Variants in SLC38A8 observed in about 807,000 individuals in gnomAD.
The protein encoded by SLC38A8 is amino acid transporter SLC38A8.
A neutral mutation model predicts 46.0 loss-of-function variants in SLC38A8; 65 were observed. That is an observed-to-expected ratio of 1.41 (90% CI 1.16 to 1.74). SLC38A8 has a LOEUF of 1.74. SLC38A8 is among the 40% of genes most tolerant of loss of function. The pLI is 0.00. For missense variants in SLC38A8, 998 were observed against 567.9 expected, an observed-to-expected ratio of 1.76 and a Z score of -7.70; for synonymous variants, 447 against 243.7, an observed-to-expected ratio of 1.83 and a Z score of -7.77.
Position 84,017,791 on chromosome 16 carries a change from C to T in SLC38A8, c.806-504G>A, listed in dbSNP as rs189276852. On this transcript the variant is annotated intron_variant, in intron 7 of 10. Coordinates refer to ENST00000299709, the MANE Select transcript of SLC38A8 (RefSeq NM_001080442.3). ...AACAGGGTGACACTGCTTCTGTCAC[C>T]CCGGGTTGCCTGCCCTGTCCTGAGA... is the stretch of plus-strand genomic sequence containing the variant. 2.9e-4 allele frequency among the ~76,000 whole-genome samples: 44 copies of T among 152,274 alleles called. No homozygotes were observed. The East Asian group carries it at 7.9e-3, about 27-fold the overall frequency.
intron 2 of SLC38A8, among the ~76,000 whole-genome samples, chr16:84,038,775 C>T (rs920482319): frequency 6.6e-6 from 1 of 152,184 alleles, no homozygotes; most frequent in Non-Finnish European, 1.5e-5. Flanking sequence ...TCCACCTTTA[C>T]GTAATTCCTG....
upstream of SLC38A8, among the ~76,000 whole-genome samples, chr16:84,043,116 C>G (rs980268240): frequency 2.6e-5 from 4 of 152,190 alleles, no homozygotes; most frequent in African/African-American, 9.7e-5. Context: ...TCCTTTACCT[C>G]CTCCACCCAA....
At chr16:84,023,811 T>G (rs1257825021) in intron 6 of SLC38A8, among the ~76,000 whole-genome samples, 1 of 152,170 alleles carries the variant, frequency 6.6e-6, no homozygotes, top group African/African-American at 2.4e-5. Context: ...GGTGAATCAC[T>G]GGAATTCGGG....
intron 6 of SLC38A8, among the ~76,000 whole-genome samples, chr16:84,025,888 G>T (rs562708189): frequency 6.6e-6 from 1 of 152,234 alleles, no homozygotes; most frequent in East Asian, 1.9e-4. Flanking sequence ...CTGTCCTACA[G>T]GAGGGCTCTG....
At position 84,033,459 on chromosome 16, in the gene SLC38A8, G is replaced by A. The variant is rs1199940276; in HGVS notation, c.399C>T (p.Ser133=). Residue 133 remains serine, a synonymous_variant, in exon 4 of 11, where the codon TCC becomes TCT. Coordinates refer to ENST00000299709, the MANE Select transcript of SLC38A8 (RefSeq NM_001080442.3). ...GGGCGGGCGGGGTGCCAGACAGGAG[G>A]GAGTCACACACTGCCAGAGACACGG... ...IGDQLEKLCD[S]LLSGTPPAPQ... 1 of 1,605,592 alleles carries A rather than the reference G, an allele frequency of 6.2e-7. No homozygotes were observed. Among genetic ancestry groups the A allele is most frequent in the Non-Finnish European group, 8.5e-7 (1 of 1,176,266 alleles).
At chr16:84,011,452 C>T (rs1288399044) in intron 10 of SLC38A8, among the ~76,000 whole-genome samples, 1 of 152,178 alleles carries the variant, frequency 6.6e-6, no homozygotes, top group Non-Finnish European at 1.5e-5. Flanking sequence ...CAGGCCTGCT[C>T]CTTTGCAAAA....
chr16:84,023,256 A>T (rs933032816), intron 6 of SLC38A8, among the ~76,000 whole-genome samples: 5 of 152,084 alleles, frequency 3.3e-5, no homozygotes, highest in African/African-American at 1.2e-4. Context: ...TGTTCAACTG[A>T]GGCTAGTTTA....
chr16:84,021,867 G>T (rs1418291145), intron 7 of SLC38A8, among the ~76,000 whole-genome samples: 1 of 152,234 alleles, frequency 6.6e-6, no homozygotes, highest in African/African-American at 2.4e-5. Context: ...TGCCGGAGGG[G>T]ACTTTGCAGA....
At position 84,036,854 on chromosome 16, in the gene SLC38A8, G is replaced by C; in HGVS notation, c.236C>G (p.Ala79Gly). Residue 79 changes from alanine (A) to glycine (G), a missense_variant, in exon 3 of 11, where the codon GCT becomes GGT. Ala to Gly is a moderately conservative substitution (Grantham distance 60). Transcript: ENST00000299709. ...GGTGGCCTGGCCACTGACAGCAGCAGCATAGCCCAGGATGACCAGCCCGCT... is the reference window on the plus strand; with the variant it reads ...GGTGGCCTGGCCACTGACAGCAGCACCATAGCCCAGGATGACCAGCCCGCT... ...LISGLVILGY[A>G]AAVSGQATYQ... 6.2e-7 allele frequency: 1 copy of C among 1,613,628 alleles called. No individual in the cohort carries two copies. Among genetic ancestry groups the C allele is most frequent in the Non-Finnish European group, 8.5e-7 (1 of 1,180,008 alleles).
At chr16:84,011,626 C>G (rs1033090585) in intron 10 of SLC38A8, among the ~76,000 whole-genome samples, 1 of 152,204 alleles carries the variant, frequency 6.6e-6, no homozygotes, top group Non-Finnish European at 1.5e-5. Context: ...GCCAGCTTAT[C>G]TGGAAACTGG....
Position 84,016,541 on chromosome 16 carries a change from G to C in SLC38A8, c.1140C>G (p.Ser380=), listed in dbSNP as rs766507237. 9 of 1,613,892 alleles carry C rather than the reference G, an allele frequency of 5.6e-6. No homozygotes were observed. Among genetic ancestry groups the C allele is most frequent in the Non-Finnish European group, 5.1e-6 (6 of 1,179,954 alleles). The part of the protein sequence containing the change: ...EIVSIIGGIS[S]FFIFIFPGLC... ...CACCTGGGAAGATGAAGATGAAGAA[G>C]GAACTGATGCCTCCGATGATGCTGA... Residue 380 remains serine (S), a synonymous_variant, in exon 9 of 11, where the codon TCC becomes TCG. Coordinates refer to ENST00000299709, the MANE Select transcript of SLC38A8 (RefSeq NM_001080442.3).
chr16:84,013,531 A>G (rs2084983720), intron 9 of SLC38A8, among the ~76,000 whole-genome samples: 1 of 144,644 alleles, frequency 6.9e-6, no homozygotes, highest in African/African-American at 2.6e-5. Context: ...CCCGGGTTCA[A>G]GTCATTCTCG....
At chr16:84,034,884 G>T (rs969781549) in intron 3 of SLC38A8, among the ~76,000 whole-genome samples, 2 of 152,082 alleles carry the variant, frequency 1.3e-5, no homozygotes, top group Non-Finnish European at 2.9e-5. Context: ...GACTGTACCA[G>T]CTCCTTCCTA....
At chr16:84,039,126 C>T (rs1458179790) in intron 2 of SLC38A8, among the ~76,000 whole-genome samples, 6 of 152,068 alleles carry the variant, frequency 3.9e-5, no homozygotes. Flanking sequence ...AGTCCTGAGG[C>T]CATAAACCCA....
At chr16:84,015,604 T>C (rs538467402) in intron 9 of SLC38A8, among the ~76,000 whole-genome samples, 42 of 152,074 alleles carry the variant, frequency 2.8e-4, no homozygotes, top group African/African-American at 1.0e-3. Flanking sequence ...GGTCTTCGCA[T>C]CTATGGAATG....
intron 10 of SLC38A8, among the ~76,000 whole-genome samples, chr16:84,011,593 A>G (rs1356511016): frequency 6.6e-6 from 1 of 152,178 alleles, no homozygotes; most frequent in Non-Finnish European, 1.5e-5. Flanking sequence ...CCCAAAATTC[A>G]TGTCTACCTG....
intron 6 of SLC38A8, among the ~76,000 whole-genome samples, chr16:84,026,497 G>T (rs1009599621): frequency 6.6e-6 from 1 of 152,206 alleles, no homozygotes; most frequent in Non-Finnish European, 1.5e-5. Context: ...AAATTCCTGG[G>T]GTTACAGGCA....
chr16:84,034,827 T>A (rs11639584), intron 3 of SLC38A8, among the ~76,000 whole-genome samples: 1 of 151,590 alleles, frequency 6.6e-6, no homozygotes, highest in Non-Finnish European at 1.5e-5. Context: ...AGGCCCTTTG[T>A]CTGCATCTGG....
chr16:84,030,300 C>T (rs1339837523), intron 5 of SLC38A8, among the ~76,000 whole-genome samples: 1 of 152,160 alleles, frequency 6.6e-6, no homozygotes. Flanking sequence ...CTTGTCACAA[C>T]AGCCCTCGGA....
Sources: allele counts gnomAD v4.1 joint callset (sites outside exome capture counted in the v4.1 genomes callset), GRCh38; gene constraint gnomAD v4.1.1; transcripts MANE v1.5; gene names NCBI Gene and HGNC (gene_info 2026-07-23, HGNC 2026-07-21).